The following PCDHGB6 variants were observed in gnomAD, a reference collection of about 807,000 sequenced individuals.
PCDHGB6 encodes protocadherin gamma subfamily B, 6.
Under a neutral mutation model 59.1 loss-of-function variants are expected in PCDHGB6, and 51 were observed. The observed-to-expected ratio is 0.86, with a 90% CI of 0.69 to 1.09. The LOEUF is 1.09. PCDHGB6 is among the 50% of genes least tolerant of loss of function. The pLI, the probability that PCDHGB6 is intolerant of heterozygous loss-of-function variation, is 0.00. For synonymous variants in PCDHGB6, 466 were observed against 495.1 expected (o/e 0.94, Z 0.78); for missense variants, 1,148 against 1,205.1 (o/e 0.95, Z 0.70).
chr5:141,422,479 A>G, intron 1 of PCDHGB6: 1 of 1,613,890 alleles, frequency 6.2e-7, no homozygotes, highest in Non-Finnish European at 8.5e-7. Flanking sequence ...GTTGGTCCAG[A>G]GCTACAATAT....
At position 141,490,108 on chromosome 5, in the gene PCDHGB6, C is replaced by T. The variant is rs566655929; in HGVS notation, c.2419-4699C>T. 1.4e-5 allele frequency: 22 copies of T among 1,614,244 alleles called. No individual in the cohort carries two copies. Among genetic ancestry groups the T allele is most frequent in the South Asian group, 5.5e-5 (5 of 91,090 alleles). The stretch of plus-strand genomic sequence containing the variant: ...TGGAGACCACACATCTGAGGCAGTG[C>T]GGAACCTCTTTGGCCTAGACCCTAG... On this transcript the variant is annotated intron_variant, in intron 1 of 3. Coordinates refer to ENST00000520790, the MANE Select transcript of PCDHGB6 (RefSeq NM_018926.3). This position sits in a 1 kb window ranked among gnomAD's most constrained non-coding sequence, Gnocchi z 5.4.
chr5:141,495,939 G>A (rs1408330065), intron 2 of PCDHGB6, among the ~76,000 whole-genome samples: 1 of 151,994 alleles, frequency 6.6e-6, no homozygotes, highest in Non-Finnish European at 1.5e-5. Context: ...TCTGGTCTCT[G>A]TGCCTGTTGT....
intron 1 of PCDHGB6, chr5:141,430,780 C>T: frequency 6.6e-7 from 1 of 1,511,476 alleles, no homozygotes; most frequent in Non-Finnish European, 8.8e-7. Flanking sequence ...CGCGACTGCA[C>T]CGGGACTACA....
At position 141,477,130 on chromosome 5, in the gene PCDHGB6, G is replaced by C; in HGVS notation, c.2419-17677G>C. On this transcript the variant is annotated intron_variant, in intron 1 of 3. Coordinates refer to ENST00000520790, the MANE Select transcript of PCDHGB6 (RefSeq NM_018926.3). The surrounding 1 kb of genome is among the most constrained non-coding windows in gnomAD (Gnocchi z 4.9). ...ATCCCGAAGGAGCACATTGCAAAGT[G>C]TTGGTGGAGGTTGTGGATGTGAATG... 6.2e-7 allele frequency: 1 copy of C among 1,614,252 alleles called. No individual in the cohort carries two copies. The highest frequency in any genetic ancestry group is 2.2e-5 in the East Asian group (1 of 44,888).
chr5:141,412,050 A>G (rs1465943762), intron 1 of PCDHGB6: 1 of 152,222 alleles, frequency 6.6e-6, no homozygotes, highest in African/African-American at 2.4e-5. Flanking sequence ...GTGAACTTCT[A>G]TACCCTTTGC....
intron 1 of PCDHGB6, among the ~76,000 whole-genome samples, chr5:141,480,451 T>G (rs2099519323): frequency 6.6e-6 from 1 of 152,136 alleles, no homozygotes; most frequent in African/African-American, 2.4e-5. Flanking sequence ...ATAATTATTT[T>G]TATTAGTTCC....
intron 1 of PCDHGB6, chr5:141,413,772 A>G: frequency 1.9e-6 from 3 of 1,613,226 alleles, no homozygotes; most frequent in Non-Finnish European, 2.5e-6. Context: ...CGGAGCTGGT[A>G]CTGGAGCACT....
chr5:141,508,974 G>A (rs962653911), intron 3 of PCDHGB6, among the ~76,000 whole-genome samples: 2 of 152,128 alleles, frequency 1.3e-5, no homozygotes, highest in Non-Finnish European at 2.9e-5. Flanking sequence ...AAAGGGCTGG[G>A]GGTGGGGGCC....
intron 1 of PCDHGB6, among the ~76,000 whole-genome samples, chr5:141,429,759 C>T (rs1233949322): frequency 6.6e-6 from 1 of 151,946 alleles, no homozygotes; most frequent in East Asian, 1.9e-4. Flanking sequence ...GAATTTTTTC[C>T]CTATATTTTG....
chr5:141,494,197 C>T (rs73794924), intron 1 of PCDHGB6, among the ~76,000 whole-genome samples: 1,654 of 152,242 alleles, frequency 0.011, 27 homozygotes, highest in African/African-American at 0.037. Flanking sequence ...CTTGGATGCC[C>T]CGCAAAGGCC....
chr5:141,464,180 G>T (rs1251683320), intron 1 of PCDHGB6, among the ~76,000 whole-genome samples: 1 of 151,340 alleles, frequency 6.6e-6, no homozygotes, highest in Non-Finnish European at 1.5e-5. Flanking sequence ...CAGGAGAATT[G>T]CTTGATTTCA....
rs746913952 is a variant in PCDHGB6, at chr5:141,432,898, G to A, written c.2418+22278G>A. The A allele has an allele frequency of 1.2e-6, 2 of 1,614,174 alleles. No homozygotes were observed. Among genetic ancestry groups the A allele is most frequent in the South Asian group, 1.1e-5 (1 of 91,090 alleles). On this transcript the variant is annotated intron_variant, in intron 1 of 3. Transcript: ENST00000520790. This position sits in a 1 kb window ranked among gnomAD's most constrained non-coding sequence, Gnocchi z 6.0. ...TGGCCTTCGTCATCTTGCTGCTGGC[G>A]CTCAGGCTGCGGCGCTGGCACAAGT...
intron 1 of PCDHGB6, among the ~76,000 whole-genome samples, chr5:141,439,208 C>A: frequency 6.6e-6 from 1 of 151,294 alleles, no homozygotes. Flanking sequence ...AAAAAAAATC[C>A]ATATGTGAAA....
chr5:141,469,830 A>G (rs184478661), intron 1 of PCDHGB6, among the ~76,000 whole-genome samples: 1 of 152,124 alleles, frequency 6.6e-6, no homozygotes, highest in African/African-American at 2.4e-5. Flanking sequence ...GGTCACATAA[A>G]ACTTATTCTT....
At chr5:141,417,997 G>T in intron 1 of PCDHGB6, 1 of 1,613,872 alleles carries the variant, frequency 6.2e-7, no homozygotes, top group Non-Finnish European at 8.5e-7. Context: ...AGGGCTCGGT[G>T]GTGGGGAACC....
chr5:141,422,263 C>T lies in PCDHGB6; in HGVS notation c.2418+11643C>T, dbSNP rs755271863. On this transcript the variant is annotated intron_variant, in intron 1 of 3. Transcript: ENST00000520790. ...TGTTGTGGATGTGAATGATAACGCT[C>T]CAGAAATAACTATCACCTCTTCTAT... is the stretch of plus-strand genomic sequence containing the variant. 1.0e-5 allele frequency: 16 copies of T among 1,563,686 alleles called. No individual in the cohort carries two copies. The South Asian group carries it at 1.7e-4, about 17-fold the overall frequency.
At position 141,489,298 on chromosome 5, in the gene PCDHGB6, T is replaced by C; in HGVS notation, c.2419-5509T>C. On this transcript the variant is annotated intron_variant, in intron 1 of 3. Transcript: ENST00000520790. This position sits in a 1 kb window ranked among gnomAD's most constrained non-coding sequence, Gnocchi z 4.5. ...GAAATGGCAAGTGCTGTGCATGTTG[T>C]CCTTGTGCTGCTGGGGCTGGGTGTC... The C allele has an allele frequency of 6.3e-7, 1 of 1,584,418 alleles. No individual in the cohort carries two copies. The highest frequency in any genetic ancestry group is 8.6e-7 in the Non-Finnish European group (1 of 1,165,192).
At chr5:141,478,251 T>C in intron 1 of PCDHGB6, 1 of 1,614,072 alleles carries the variant, frequency 6.2e-7, no homozygotes, top group Non-Finnish European at 8.5e-7. Context: ...GTGTTCGGAG[T>C]AATCATATTC....
intron 1 of PCDHGB6, among the ~76,000 whole-genome samples, chr5:141,451,090 A>G (rs2098706546): frequency 6.6e-6 from 1 of 151,864 alleles, no homozygotes; most frequent in Non-Finnish European, 1.5e-5. Context: ...GACCTCCCAA[A>G]GTGTTGGGAT....
Sources: allele counts gnomAD v4.1 joint callset (sites outside exome capture counted in the v4.1 genomes callset), GRCh38; gene constraint gnomAD v4.1.1; non-coding constraint Gnocchi (gnomAD v3.1); transcripts MANE v1.5; gene names NCBI Gene and HGNC (gene_info 2026-07-23, HGNC 2026-07-21).